Variants in GRIP1 observed in about 807,000 individuals in gnomAD.
GRIP1 encodes glutamate receptor interacting protein 1, also known as glutamate receptor-interacting protein 1.
Under a neutral mutation model 129.9 loss-of-function variants are expected in GRIP1, and 45 were observed. The ratio of observed to expected loss-of-function variants is 0.35; its 90% CI spans 0.27 to 0.44. The LOEUF (loss-of-function observed/expected upper bound fraction) is 0.44, where lower values mean the gene tolerates loss of function less well. GRIP1 is among the 20% of genes least tolerant of loss of function. The pLI is 1.00. For synonymous variants in GRIP1, 530 were observed against 520.8 expected (o/e 1.02, Z -0.24); for missense variants, 1,196 against 1,396.8 (o/e 0.86, Z 2.29).
intron 2 of GRIP1, 63 bp downstream of exon 2, chr12:66,596,784 A>G (rs1335076939): frequency 2.2e-6 from 2 of 902,770 alleles, no homozygotes; most frequent in South Asian, 1.3e-5. Context: ...GGAATTATTT[A>G]GAATCACCAA....
intron 7 of GRIP1, among the ~76,000 whole-genome samples, chr12:66,485,662 T>C (rs1229025533): frequency 6.6e-6 from 1 of 151,900 alleles, no homozygotes; most frequent in Non-Finnish European, 1.5e-5. Flanking sequence ...TGCTCTCATA[T>C]GCTTTTTTTT....
intron 2 of GRIP1, among the ~76,000 whole-genome samples, chr12:66,551,374 T>C (rs2139311591): frequency 6.6e-6 from 1 of 152,350 alleles, no homozygotes; most frequent in South Asian, 2.1e-4. Context: ...GAAAGTCCTC[T>C]ATAGGCTACA....
chr12:66,407,244 G>C (rs879696875), intron 15 of GRIP1, among the ~76,000 whole-genome samples: 4 of 141,960 alleles, frequency 2.8e-5, no homozygotes, highest in African/African-American at 1.3e-4. Flanking sequence ...CCCACCTCCT[G>C]CCTGTAGCTA....
intron 1 of GRIP1, among the ~76,000 whole-genome samples, chr12:66,624,757 T>C (rs1204134533): frequency 6.6e-6 from 1 of 152,170 alleles, no homozygotes; most frequent in Non-Finnish European, 1.5e-5. Flanking sequence ...GTAAAAGATG[T>C]GTGAAAAGTA....
At chr12:66,878,030 T>G (rs1403721314) in intron 1 of GRIP1, among the ~76,000 whole-genome samples, 1 of 152,008 alleles carries the variant, frequency 6.6e-6, no homozygotes, top group Non-Finnish European at 1.5e-5. Flanking sequence ...CAGTCAACAA[T>G]GATTAAGCAA....
At chr12:66,946,977 G>A (rs1389661839) in intron 1 of GRIP1, among the ~76,000 whole-genome samples, 2 of 151,852 alleles carry the variant, frequency 1.3e-5, no homozygotes, top group Non-Finnish European at 2.9e-5. Flanking sequence ...CCAGGAGGCG[G>A]AGGTTGTGGT....
intron 6 of GRIP1, 84 bp downstream of exon 6, chr12:66,517,817 A>G: frequency 1.3e-6 from 1 of 777,968 alleles, no homozygotes; most frequent in South Asian, 1.4e-5. Context: ...TTACTGTAAA[A>G]TTTCTAATTT....
intron 1 of GRIP1, among the ~76,000 whole-genome samples, chr12:66,719,264 G>A (rs187621724): frequency 1.3e-5 from 2 of 152,114 alleles, no homozygotes; most frequent in East Asian, 1.9e-4. Flanking sequence ...TAATAATAAC[G>A]GGAAAAAATT....
intron 12 of GRIP1, among the ~76,000 whole-genome samples, chr12:66,445,040 T>C (rs1160274155): frequency 2.0e-5 from 3 of 152,350 alleles, no homozygotes; most frequent in South Asian, 2.1e-4. Context: ...GCAGAAACTA[T>C]TGAAGTTGAA....
At chr12:66,862,579 G>A (rs2040131140) in intron 1 of GRIP1, among the ~76,000 whole-genome samples, 3 of 152,102 alleles carry the variant, frequency 2.0e-5, no homozygotes, top group Admixed American at 1.3e-4. Flanking sequence ...GAAGGAAACA[G>A]CACAGTGCCC....
intron 1 of GRIP1, among the ~76,000 whole-genome samples, chr12:66,871,652 G>T (rs1862096502): frequency 6.6e-6 from 1 of 152,050 alleles, no homozygotes; most frequent in Admixed American, 6.6e-5. Flanking sequence ...CAAGAGACAG[G>T]AACTGATGGG....
At chr12:66,377,574 C>T (rs1343192585) in intron 20 of GRIP1, among the ~76,000 whole-genome samples, 4 of 147,920 alleles carry the variant, frequency 2.7e-5, no homozygotes, top group African/African-American at 1.0e-4. Context: ...CTCCTGACTT[C>T]GTGATCCGCC....
chr12:66,631,532 T>G (rs1669829309), intron 1 of GRIP1, among the ~76,000 whole-genome samples: 1 of 152,178 alleles, frequency 6.6e-6, no homozygotes, highest in South Asian at 2.1e-4. Context: ...ACTACTAAAG[T>G]CATATAGAGT....
At chr12:66,507,478 G>C (rs939160734) in intron 7 of GRIP1, among the ~76,000 whole-genome samples, 1 of 151,586 alleles carries the variant, frequency 6.6e-6, no homozygotes, top group Non-Finnish European at 1.5e-5. Context: ...AGTATGAATA[G>C]TGGCTAATTT....
rs566158595 is a variant in GRIP1, at chr12:66,548,001, A to T, written c.137-6051T>A. ...CTCAAAATTAGGAGTTTAATTTTTT[A>T]AAAAATGTCCCATCAGTGGGTATAT... is the stretch of plus-strand genomic sequence containing the variant. On this transcript the variant is annotated intron_variant, in intron 2 of 24. Transcript: ENST00000359742. 9.2e-5 allele frequency among the ~76,000 whole-genome samples: 14 copies of T among 152,310 alleles called. No individual in the cohort carries two copies. In the East Asian group the frequency reaches 2.3e-3, roughly 25 times the overall value.
intron 16 of GRIP1, 122 bp from the exon 17 acceptor site, chr12:66,394,474 AATTAT>A: frequency 1.2e-6 from 1 of 852,454 alleles, no homozygotes; most frequent in Non-Finnish European, 1.9e-6. Flanking sequence ...CACAGAAAAT[AATTAT>A]TTTGGGAAGT....
chr12:66,877,201 T>C (rs2040398697), intron 1 of GRIP1, among the ~76,000 whole-genome samples: 1 of 152,108 alleles, frequency 6.6e-6, no homozygotes, highest in South Asian at 2.1e-4. Context: ...ATGATGATTC[T>C]ACACACATGT....
chr12:66,487,487 C>T lies in GRIP1; in HGVS notation c.725-22065G>A, dbSNP rs142214385. On this transcript the variant is annotated intron_variant, in intron 7 of 24. Transcript: ENST00000359742. Reference sequence around the variant, plus strand: ...GCAAGAGCTCCTAAATATGGAAGCACTAAATATGGAAAGGAGAAACTATTA... The same window carrying T: ...GCAAGAGCTCCTAAATATGGAAGCATTAAATATGGAAAGGAGAAACTATTA... 5.3e-4 allele frequency among the ~76,000 whole-genome samples: 80 copies of T among 152,140 alleles called. No homozygotes were observed. The East Asian group carries it at 7.5e-3, about 14-fold the overall frequency.
intron 1 of GRIP1, among the ~76,000 whole-genome samples, chr12:66,761,160 G>GT (rs565155671): frequency 6.9e-4 from 105 of 151,984 alleles, no homozygotes; most frequent in Non-Finnish European, 1.2e-3. Flanking sequence ...TGACTCCACT[G>GT]TAACAGATCC....
Sources: gnomAD v4.1 joint callset for allele counts (sites outside exome capture counted in the v4.1 genomes callset) on GRCh38, gnomAD v4.1.1 for gene constraint, MANE v1.5 for transcripts, NCBI Gene and HGNC (gene_info 2026-07-23, HGNC 2026-07-21) for gene names.